Variants in AGAP1 observed in about 807,000 individuals in gnomAD.
The protein encoded by AGAP1 is ArfGAP with GTPase domain, ankyrin repeat and PH domain 1.
A neutral mutation model predicts 105.3 loss-of-function variants in AGAP1; 29 were observed. That is an observed-to-expected ratio of 0.28 (90% CI 0.21 to 0.38). AGAP1 has a LOEUF of 0.38. Among genes scored for constraint, AGAP1 ranks in the 10% least tolerant of loss-of-function variants. The pLI is 1.00. For missense variants in AGAP1, 998 were observed against 1,165.1 expected, an observed-to-expected ratio of 0.86 and a Z score of 2.09; for synonymous variants, 509 against 485.9, an observed-to-expected ratio of 1.05 and a Z score of -0.63.
In AGAP1 at chr2:236,000,354, G is replaced by C. The variant is rs1205571354; in HGVS notation, c.1645+31731G>C. The stretch of plus-strand genomic sequence containing the variant: ...TTGAGGACCTGCTGTACACAGTTTT[G>C]CTTAAAGTCACACATTTCCAAGAAC... On this transcript the variant is annotated intron_variant, in intron 13 of 17. Transcript: ENST00000304032. The surrounding 1 kb of genome is among the most constrained non-coding windows in gnomAD (Gnocchi z 4.3). 6.6e-6 allele frequency among the ~76,000 whole-genome samples: 1 copy of C among 152,196 alleles called. No homozygotes were observed. Among genetic ancestry groups the C allele is most frequent in the African/African-American group, 2.4e-5 (1 of 41,450 alleles).
chr2:235,582,118 T>C lies in AGAP1; in HGVS notation c.163+87269T>C, dbSNP rs1459321310. 6.6e-6 allele frequency among the ~76,000 whole-genome samples: 1 copy of C among 152,212 alleles called. No homozygotes were observed. Among genetic ancestry groups the C allele is most frequent in the Admixed American group, 6.5e-5 (1 of 15,280 alleles). ...GGAGTTGATAGTGATGCTATGGGGCTGTCTGCTCTATACGAGGAGCAGAGA... is the reference window on the plus strand; with the variant it reads ...GGAGTTGATAGTGATGCTATGGGGCCGTCTGCTCTATACGAGGAGCAGAGA... On this transcript the variant is annotated intron_variant, in intron 1 of 17. Coordinates refer to ENST00000304032, the MANE Select transcript of AGAP1 (RefSeq NM_001037131.3). This position sits in a 1 kb window ranked among gnomAD's most constrained non-coding sequence, Gnocchi z 4.7.
chr2:236,076,171 G>A lies in AGAP1; in HGVS notation c.2114+26890G>A, dbSNP rs777921396. ...GTGGAGTTTTTTAAAGTCTTGAGGCGGGGCGCCGTGGCTCATGCCTGTAAT... is the reference window on the plus strand; with the variant it reads ...GTGGAGTTTTTTAAAGTCTTGAGGCAGGGCGCCGTGGCTCATGCCTGTAAT... On this transcript the variant is annotated intron_variant, in intron 16 of 17. Transcript: ENST00000304032. This position sits in a 1 kb window ranked among gnomAD's most constrained non-coding sequence, Gnocchi z 4.4. 5.9e-5 allele frequency among the ~76,000 whole-genome samples: 9 copies of A among 152,180 alleles called. No individual in the cohort carries two copies. Among genetic ancestry groups the A allele is most frequent in the Non-Finnish European group, 8.8e-5 (6 of 68,034 alleles).
At chr2:235,673,577 C>T (rs1948557792) in intron 1 of AGAP1, among the ~76,000 whole-genome samples, 1 of 152,190 alleles carries the variant, frequency 6.6e-6, no homozygotes, top group Non-Finnish European at 1.5e-5. Context: ...TTAAAAATAG[C>T]CTCGTGCCAG....
chr2:235,852,740 G>A, intron 9 of AGAP1: 1 of 1,540,554 alleles, frequency 6.5e-7, no homozygotes, highest in Admixed American at 2.0e-5. Context: ...CAGGCCTGCT[G>A]GAGCCCGTGC....
rs1400126809 is a variant in AGAP1 at position 236,000,623 on chromosome 2, A to G, written c.1645+32000A>G. Among the ~76,000 whole-genome samples, 1 of 152,190 alleles carries G rather than the reference A, an allele frequency of 6.6e-6. No homozygotes were observed. The highest frequency in any genetic ancestry group is 1.5e-5 in the Non-Finnish European group (1 of 68,032). On this transcript the variant is annotated intron_variant, in intron 13 of 17. Transcript: ENST00000304032. The surrounding 1 kb of genome is among the most constrained non-coding windows in gnomAD (Gnocchi z 4.3). ...CGAGCCTGACTTAAGCAGGATGGGC[A>G]TGGACATCGTTGGCACTCACTTCCC...
chr2:235,913,598 G>A (rs549655218), intron 11 of AGAP1, among the ~76,000 whole-genome samples: 1 of 152,278 alleles, frequency 6.6e-6, no homozygotes, highest in Admixed American at 6.5e-5. Flanking sequence ...CAGTGTCTTA[G>A]ATGTATGACT....
At chr2:235,806,541 T>C (rs889548580) in intron 8 of AGAP1, among the ~76,000 whole-genome samples, 2 of 152,136 alleles carry the variant, frequency 1.3e-5, no homozygotes, top group African/African-American at 2.4e-5. Flanking sequence ...CCACTCGTCG[T>C]CCGCAGCACG....
In AGAP1 at chr2:235,740,339, G is replaced by A. The variant is rs576956792; in HGVS notation, c.311-624G>A. On this transcript the variant is annotated intron_variant, in intron 3 of 17. Transcript: ENST00000304032. The surrounding 1 kb of genome is among the most constrained non-coding windows in gnomAD (Gnocchi z 5.7). ...GGTGGTCTCCCGCTAACCCCGCGTG[G>A]TCTCTAACGCCTCCTGTCAGCCGCT... 6.6e-6 allele frequency among the ~76,000 whole-genome samples: 1 copy of A among 152,236 alleles called. No individual in the cohort carries two copies. Among genetic ancestry groups the A allele is most frequent in the East Asian group, 1.9e-4 (1 of 5,168 alleles).
At chr2:235,899,303 A>G (rs1019352924) in intron 10 of AGAP1, among the ~76,000 whole-genome samples, 11 of 152,304 alleles carry the variant, frequency 7.2e-5, no homozygotes, top group African/African-American at 2.6e-4. Context: ...ACTTGAGATC[A>G]GGCGTTCAAG....
chr2:235,614,531 C>G lies in AGAP1; in HGVS notation c.164-94648C>G, dbSNP rs1946244414. Among the ~76,000 whole-genome samples the G allele has an allele frequency of 6.6e-6, 1 of 152,096 alleles. No homozygotes were observed. The highest frequency in any genetic ancestry group is 1.5e-5 in the Non-Finnish European group (1 of 68,018). ...AGGGGTGGGGGCTTTGCTCTTTAGC[C>G]CGTGAGCAGTGGAAAGTCATTGAAT... On this transcript the variant is annotated intron_variant, in intron 1 of 17. Transcript: ENST00000304032. The surrounding 1 kb of genome is among the most constrained non-coding windows in gnomAD (Gnocchi z 4.7).
intron 9 of AGAP1, among the ~76,000 whole-genome samples, chr2:235,809,312 C>T (rs1226220429): frequency 6.6e-6 from 1 of 152,240 alleles, no homozygotes; most frequent in Non-Finnish European, 1.5e-5. Context: ...GGATGCCTTT[C>T]GATTGTGAAT....
intron 1 of AGAP1, among the ~76,000 whole-genome samples, chr2:235,594,210 T>G (rs1272912459): frequency 6.6e-6 from 1 of 152,146 alleles, no homozygotes; most frequent in Non-Finnish European, 1.5e-5. Context: ...AGAATACAGT[T>G]CTTACATGGC....
chr2:235,598,657 A>T (rs981414592), intron 1 of AGAP1, among the ~76,000 whole-genome samples: 1 of 152,210 alleles, frequency 6.6e-6, no homozygotes, highest in Non-Finnish European at 1.5e-5. Context: ...CAAAGATATG[A>T]AAAGGAGCCG....
Position 236,058,098 on chromosome 2 carries a change from A to AG in AGAP1, c.2114+8822dup, listed in dbSNP as rs2058096786. On this transcript the variant is annotated intron_variant, in intron 16 of 17. Transcript: ENST00000304032. This position sits in a 1 kb window ranked among gnomAD's most constrained non-coding sequence, Gnocchi z 4.6. ...CCAAGCCTACCCAGTCAGCATCCCT[A>AG]GGGGGTAGGGTCCAGTGGTGTGTTT... is the stretch of plus-strand genomic sequence containing the variant. Among the ~76,000 whole-genome samples, 1 of 152,116 alleles carries AG rather than the reference A, an allele frequency of 6.6e-6. No individual in the cohort carries two copies. Among genetic ancestry groups the AG allele is most frequent in the African/African-American group, 2.4e-5 (1 of 41,434 alleles).
intron 1 of AGAP1, among the ~76,000 whole-genome samples, chr2:235,508,787 A>G (rs1941945193): frequency 6.6e-6 from 1 of 152,238 alleles, no homozygotes; most frequent in Non-Finnish European, 1.5e-5. Flanking sequence ...TGGGCAGTTA[A>G]CTTTTTATAC....
rs1460297207 is a variant in AGAP1 at position 235,792,332 on chromosome 2, C to T, written c.674-5427C>T. Reference sequence around the variant, plus strand: ...CCCCACAAAGCTTTTGCATGGGGTTCATCTGCCTATTCCAGGAGAGACTAT... The same window carrying T: ...CCCCACAAAGCTTTTGCATGGGGTTTATCTGCCTATTCCAGGAGAGACTAT... On this transcript the variant is annotated intron_variant, in intron 6 of 17. Transcript: ENST00000304032. This position sits in a 1 kb window ranked among gnomAD's most constrained non-coding sequence, Gnocchi z 5.3. Among the ~76,000 whole-genome samples, 3 of 152,308 alleles carry T rather than the reference C, an allele frequency of 2.0e-5. No homozygotes were observed. Among genetic ancestry groups the T allele is most frequent in the South Asian group, 2.1e-4 (1 of 4,824 alleles).
intron 16 of AGAP1, among the ~76,000 whole-genome samples, chr2:236,057,173 A>G (rs551172822): frequency 2.0e-5 from 3 of 152,222 alleles, no homozygotes; most frequent in African/African-American, 4.8e-5. Context: ...CAGTGGTGCA[A>G]TCTCGGCTCA....
intron 9 of AGAP1, among the ~76,000 whole-genome samples, chr2:235,854,866 A>G (rs1168783603): frequency 6.6e-6 from 1 of 152,076 alleles, no homozygotes; most frequent in Non-Finnish European, 1.5e-5. Context: ...TTAGTTTTGG[A>G]GTCTGCATCC....
chr2:236,111,211 AGT>A (rs2059629784), intron 16 of AGAP1, among the ~76,000 whole-genome samples: 1 of 152,194 alleles, frequency 6.6e-6, no homozygotes, highest in African/African-American at 2.4e-5. Context: ...CCCTCACTGC[AGT>A]GTTTCCAGTC....
Sources: gnomAD v4.1 joint callset for allele counts (sites outside exome capture counted in the v4.1 genomes callset) on GRCh38, gnomAD v4.1.1 for gene constraint, Gnocchi (gnomAD v3.1) non-coding constraint, MANE v1.5 for transcripts, NCBI Gene and HGNC (gene_info 2026-07-23, HGNC 2026-07-21) for gene names.